Variants in DHX15 observed in about 807,000 individuals in gnomAD.
DHX15 encodes ATP-dependent RNA helicase DHX15.
A neutral mutation model predicts 94.4 loss-of-function variants in DHX15; 11 were observed. The ratio of observed to expected loss-of-function variants is 0.12; its 90% CI spans 0.07 to 0.19. The LOEUF (loss-of-function observed/expected upper bound fraction) is 0.19. Among genes scored for constraint, DHX15 ranks in the 10% least tolerant of loss-of-function variants. The pLI is 1.00. For synonymous variants in DHX15, 338 were observed against 329.9 expected, an observed-to-expected ratio of 1.02 and a Z score of -0.27; for missense variants, 304 against 988.5, an observed-to-expected ratio of 0.31 and a Z score of 9.29.
chr4:24,582,171 T>C (rs1360719006), intron 1 of DHX15, among the ~76,000 whole-genome samples: 1 of 152,194 alleles, frequency 6.6e-6, no homozygotes, highest in African/African-American at 2.4e-5. Flanking sequence ...AGTCCACTGT[T>C]AAATAAAACC....
At chr4:24,578,114 T>C (rs1359961890) in intron 1 of DHX15, among the ~76,000 whole-genome samples, 2 of 152,174 alleles carry the variant, frequency 1.3e-5, no homozygotes, top group Non-Finnish European at 2.9e-5. Context: ...TCACAGAGCA[T>C]ACAAGCCAGA....
Position 24,529,630 on chromosome 4 carries a change from G to T in DHX15, c.2241C>A (p.Ile747=), listed in dbSNP as rs745524028. Residue 747 remains isoleucine, a synonymous_variant, in exon 13 of 14, where the codon ATC becomes ATA. Transcript: ENST00000336812. ...NEFVLTTKNY[I]RTCTDIKPEW... is the part of the protein sequence containing the mutation. ...CTGGCTTGATATCTGTACATGTCCG[G>T]ATGTAATTCTTTGTTGTTAGAACAA... The T allele has an allele frequency of 6.2e-7, 1 of 1,614,178 alleles. No homozygotes were observed. Among genetic ancestry groups the T allele is most frequent in the South Asian group, 1.1e-5 (1 of 91,078 alleles).
At chr4:24,561,826 T>A (rs1721878170) in intron 3 of DHX15, among the ~76,000 whole-genome samples, 1 of 152,172 alleles carries the variant, frequency 6.6e-6, no homozygotes, top group South Asian at 2.1e-4. Context: ...ACCTGTCAGG[T>A]AACTATGCTT....
chr4:24,538,344 G>A (rs1327535711), intron 10 of DHX15: 1 of 151,950 alleles, frequency 6.6e-6, no homozygotes, highest in Non-Finnish European at 1.5e-5. Context: ...GCCAAATAGT[G>A]ACAACAAAAC....
intron 9 of DHX15, 136 bp from the exon 10 acceptor site, chr4:24,540,435 A>G: frequency 1.4e-6 from 1 of 706,434 alleles, no homozygotes; most frequent in Non-Finnish European, 2.3e-6. Flanking sequence ...ATCCAATTCA[A>G]TTATACAGAT....
At chr4:24,566,318 G>A (rs1367326009) in intron 3 of DHX15, among the ~76,000 whole-genome samples, 1 of 152,022 alleles carries the variant, frequency 6.6e-6, no homozygotes, top group East Asian at 1.9e-4. Flanking sequence ...CTACATGTGT[G>A]AGCCTCTGCT....
intron 3 of DHX15, among the ~76,000 whole-genome samples, chr4:24,563,877 AAC>A (rs1225461581): frequency 1.3e-5 from 2 of 152,106 alleles, no homozygotes; most frequent in African/African-American, 4.8e-5. Context: ...CATCCTGGCT[AAC>A]ACAGTGAAAC....
intron 4 of DHX15, 140 bp downstream of exon 4, chr4:24,556,111 G>T: frequency 3.2e-6 from 2 of 625,306 alleles, no homozygotes; most frequent in Non-Finnish European, 5.2e-6. Flanking sequence ...CAGCAAAGCA[G>T]AAACAAAACA....
At chr4:24,536,639 A>T (rs1355647604) in intron 11 of DHX15, among the ~76,000 whole-genome samples, 1 of 152,102 alleles carries the variant, frequency 6.6e-6, no homozygotes, top group Non-Finnish European at 1.5e-5. Context: ...ATACTTGTCC[A>T]TTTTTTTCTA....
chr4:24,582,245 T>C (rs1461336514), intron 1 of DHX15, among the ~76,000 whole-genome samples: 1 of 152,208 alleles, frequency 6.6e-6, no homozygotes, highest in East Asian at 1.9e-4. Context: ...CTCTACTATT[T>C]CTTATAACTT....
chr4:24,547,285 T>A (rs1364997994), intron 6 of DHX15, among the ~76,000 whole-genome samples: 4 of 152,256 alleles, frequency 2.6e-5, no homozygotes, highest in African/African-American at 7.2e-5. Context: ...TATAAGCTCA[T>A]GATCAGTCCT....
intron 3 of DHX15, among the ~76,000 whole-genome samples, chr4:24,569,985 T>G (rs1722085259): frequency 6.6e-6 from 1 of 152,188 alleles, no homozygotes; most frequent in African/African-American, 2.4e-5. Context: ...AAATACAGAA[T>G]AAGCAGAAGC....
At chr4:24,574,204 T>C in intron 2 of DHX15, among the ~76,000 whole-genome samples, 1 of 6,490 alleles carries the variant, frequency 1.5e-4, no homozygotes, top group Admixed American at 1.3e-3. Context: ...AGACTTTGTC[T>C]CAAAAAAAAA....
At chr4:24,541,061 A>G in intron 8 of DHX15, 113 bp from the exon 9 acceptor site, 1 of 617,254 alleles carries the variant, frequency 1.6e-6, no homozygotes, top group Non-Finnish European at 2.9e-6. Context: ...TTACTTCTAC[A>G]CTGTCTCAGT....
At chr4:24,532,810 AGAAATCAGTGTCATAT>A in intron 12 of DHX15, 38 bp downstream of exon 12, 1 of 1,339,098 alleles carries the variant, frequency 7.5e-7, no homozygotes, top group Non-Finnish European at 1.0e-6. Flanking sequence ...GACTGTTAAT[AGAAATCAGTGTCATAT>A]GAATACTTAG....
chr4:24,567,353 C>T (rs150383238), intron 3 of DHX15, among the ~76,000 whole-genome samples: 11,146 of 151,102 alleles, frequency 0.074, 440 homozygotes, highest in African/African-American at 0.1. Flanking sequence ...CAGAGGCGGG[C>T]GGATCACAAG....
At chr4:24,563,638 A>AT (rs1204064587) in intron 3 of DHX15, among the ~76,000 whole-genome samples, 3 of 152,098 alleles carry the variant, frequency 2.0e-5, no homozygotes, top group Non-Finnish European at 4.4e-5. Flanking sequence ...TTTTTTTACT[A>AT]TTTTCCATGT....
chr4:24,540,613 A>G (rs1348811233), intron 9 of DHX15, among the ~76,000 whole-genome samples: 6 of 150,208 alleles, frequency 4.0e-5, no homozygotes, highest in African/African-American at 1.5e-4. Flanking sequence ...GGATAATTCA[A>G]TTTACCCAAA....
intron 1 of DHX15, among the ~76,000 whole-genome samples, chr4:24,583,772 T>G (rs1577355461): frequency 6.6e-6 from 1 of 151,314 alleles, no homozygotes; most frequent in African/African-American, 2.4e-5. Flanking sequence ...CTGGCTTCTC[T>G]CAACTCCCGC....
Sources: gnomAD v4.1 joint callset for allele counts (sites outside exome capture counted in the v4.1 genomes callset) on GRCh38, gnomAD v4.1.1 for gene constraint, MANE v1.5 for transcripts, NCBI Gene and HGNC (gene_info 2026-07-23, HGNC 2026-07-21) for gene names.